Variants in SF3B2 observed in about 807,000 individuals in gnomAD.
The protein encoded by SF3B2 is splicing factor 3b subunit 2, also known as SAP 145.
Under a neutral mutation model 116.3 loss-of-function variants are expected in SF3B2, and 22 were observed. The ratio of observed to expected loss-of-function variants is 0.19; its 90% CI spans 0.14 to 0.27. SF3B2 has a LOEUF of 0.27. SF3B2 is among the 10% of genes least tolerant of loss of function. SF3B2 has a pLI of 1.00. For missense variants in SF3B2, 767 were observed against 1,151.4 expected (o/e 0.67, Z 4.83); for synonymous variants, 406 against 421.6 (o/e 0.96, Z 0.45).
In SF3B2 at chr11:66,059,997, C is replaced by G; in HGVS notation, c.1617C>G (p.Ala539=). 6.2e-7 allele frequency: 1 copy of G among 1,613,876 alleles called. No individual in the cohort carries two copies. Among genetic ancestry groups the G allele is most frequent in the Non-Finnish European group, 8.5e-7 (1 of 1,179,966 alleles). The change falls in exon 13 of 22, where the codon GCC becomes GCG. Residue 539 remains alanine, a synonymous_variant. Transcript: ENST00000322535. The surrounding 1 kb of genome is among the most constrained non-coding windows in gnomAD (Gnocchi z 5.0). ...KRTGIQEMRE[A]LQEKEEQKTM... ...CAGGCATCCAGGAGATGCGAGAGGC[C>G]CTGCAGGAGAAGGTGAGGGCCTGGC...
intron 19 of SF3B2, chr11:66,067,019 A>C (rs1857199387): frequency 1.1e-5 from 2 of 189,362 alleles, no homozygotes; most frequent in African/African-American, 4.8e-5. Flanking sequence ...AGGGCTCATC[A>C]CATTTGTTTC....
chr11:66,063,548 G>A lies in SF3B2; in HGVS notation c.2228+6G>A, dbSNP rs1857131820. The A allele has an allele frequency of 6.2e-7, 1 of 1,612,762 alleles. No homozygotes were observed. Among genetic ancestry groups the A allele is most frequent in the Non-Finnish European group, 8.5e-7 (1 of 1,179,362 alleles). On this transcript the variant is annotated splice_donor_region_variant and intron_variant, in intron 18 of 21. Coordinates refer to ENST00000322535, the MANE Select transcript of SF3B2 (RefSeq NM_006842.3). ...TTTATTACCCCTGCAGACAGGTGGG[G>A]GAAGCAGAGAATGCCTCTTGGAAGT... is the stretch of plus-strand genomic sequence containing the variant.
rs752046586 is a variant in SF3B2, at chr11:66,068,262, C to T, written c.2545C>T (p.Arg849Trp). Reference sequence around the variant, plus strand: ...GACCCAGAAGTATGAGGAGCATGTGCGGGAGCAGCAGGCTCAAGTAGAGAA... The same window carrying T: ...GACCCAGAAGTATGAGGAGCATGTGTGGGAGCAGCAGGCTCAAGTAGAGAA... ...AMTQKYEEHV[R>W]EQQAQVEKED... The change falls in exon 21 of 22, where the codon CGG (arginine) becomes TGG (tryptophan). Residue 849 changes from arginine to tryptophan, a missense_variant. Arg to Trp is a moderately radical substitution (Grantham distance 101, BLOSUM62 -3). Around this residue, in one of 4 missense-constraint regions of SF3B2, gnomAD observed 282 missense variants for 568.0 expected, o/e 0.50. Coordinates refer to ENST00000322535, the MANE Select transcript of SF3B2 (RefSeq NM_006842.3). 2 of 1,613,914 alleles carry T rather than the reference C, an allele frequency of 1.2e-6. No individual in the cohort carries two copies. Among genetic ancestry groups the T allele is most frequent in the Non-Finnish European group, 1.7e-6 (2 of 1,179,996 alleles).
At chr11:66,060,534 G>C (rs374343553) in intron 13 of SF3B2, 48 bp from the exon 14 acceptor site, 7 of 1,607,090 alleles carry the variant, frequency 4.4e-6, no homozygotes, top group Middle Eastern at 1.7e-4. Context: ...TTCTCTACAT[G>C]AATTTGGTGA....
rs767629123 is a variant in SF3B2, at chr11:66,053,037, T to G, written c.191T>G (p.Val64Gly). 1.9e-6 allele frequency: 3 copies of G among 1,614,056 alleles called. No individual in the cohort carries two copies. The highest frequency in any genetic ancestry group is 2.5e-6 in the Non-Finnish European group (3 of 1,180,036). Residue 64 changes from valine (V) to glycine (G), a missense_variant, in exon 3 of 22, where the codon GTG becomes GGG. This residue lies in a region of SF3B2 where 455 missense variants were observed against 537.5 expected (regional missense o/e 0.85). Transcript: ENST00000322535. ...CTTTCTCTTTTGCAGACTGGCATCG[T>G]GCTGAATCGGCCGGTTTTGAGAGGG... The part of the protein sequence containing the change: ...LQSYTRQTGI[V>G]LNRPVLRGED...
chr11:66,057,349 C>T lies in SF3B2; in HGVS notation c.751C>T (p.Pro251Ser). The change falls in exon 7 of 22, where the codon CCG becomes TCG. Residue 251 changes from proline (P) to serine (S), a missense_variant. By Grantham distance (74) the Pro-to-Ser change is moderately conservative. Transcript: ENST00000322535. Reference sequence around the variant, plus strand: ...TGTTCCCCGGCCTCGTGGTCCCCCACCGCCCCCTGGAGATGAGAACAGAGA... The same window carrying T: ...TGTTCCCCGGCCTCGTGGTCCCCCATCGCCCCCTGGAGATGAGAACAGAGA... ...APVPRPRGPP[P>S]PPGDENREMD... is the part of the protein sequence containing the mutation. 1.3e-6 allele frequency: 2 copies of T among 1,527,032 alleles called. No homozygotes were observed. Among genetic ancestry groups the T allele is most frequent in the Non-Finnish European group, 1.8e-6 (2 of 1,100,306 alleles). The allele number at this position is 1,527,032 out of a possible 1,614,324, so 94.6% of individuals were successfully genotyped here.
In SF3B2 at chr11:66,068,807, C is replaced by T; in HGVS notation, c.*62C>T. On this transcript the variant is annotated 3_prime_UTR_variant, in exon 22 of 22. Transcript: ENST00000322535. Reference sequence around the variant, plus strand: ...TGGATGCCTGGGCTTCACACAAGAACCACCTCTCCCGCAGTTCCCAAGGAC... The same window carrying T: ...TGGATGCCTGGGCTTCACACAAGAATCACCTCTCCCGCAGTTCCCAAGGAC... The T allele has an allele frequency of 7.8e-7, 1 of 1,282,734 alleles. No homozygotes were observed. The highest frequency in any genetic ancestry group is 1.1e-6 in the Non-Finnish European group (1 of 885,136). 79.5% of individuals were successfully genotyped at this position (1,282,734 alleles called of 1,614,324 possible).
intron 7 of SF3B2, 64 bp downstream of exon 7, chr11:66,057,439 AT>A: frequency 2.4e-6 from 2 of 817,120 alleles, no homozygotes; most frequent in Non-Finnish European, 4.2e-6. Flanking sequence ...CTATTTTTGG[AT>A]TTTTAGAGAA....
chr11:66,063,202 G>GGGAGT (rs1565091260), intron 17 of SF3B2, 86 bp downstream of exon 17: 1 of 1,143,786 alleles, frequency 8.7e-7, no homozygotes, highest in Non-Finnish European at 1.3e-6. Flanking sequence ...TCAGGGAGTT[G>GGGAGT]TGTGTTCTGA....
At position 66,061,715 on chromosome 11, in the gene SF3B2, G is replaced by A; in HGVS notation, c.1809G>A (p.Glu603=). 6.2e-7 allele frequency: 1 copy of A among 1,614,234 alleles called. No individual in the cohort carries two copies. Among genetic ancestry groups the A allele is most frequent in the Non-Finnish European group, 8.5e-7 (1 of 1,180,032 alleles). ...AGGAGTTCGAGACACGACTGAAGGA[G>A]AAGAAGCCAGGAGATCTGTCTGATG... ...EGKEFETRLK[E]KKPGDLSDEL... Residue 603 remains glutamate (E), a synonymous_variant, in exon 15 of 22, where the codon GAG becomes GAA. Transcript: ENST00000322535.
rs201747882 is a variant in SF3B2, at chr11:66,055,070, C to T, written c.259-6C>T. 1.5e-5 allele frequency: 22 copies of T among 1,506,410 alleles called. No homozygotes were observed. Among genetic ancestry groups the T allele is most frequent in the East Asian group, 4.6e-5 (2 of 43,018 alleles). 93.3% of individuals were successfully genotyped at this position (1,506,410 alleles called of 1,614,324 possible). A position where few individuals can be genotyped will look rare whatever the true frequency, so the allele number is the denominator to read the frequency against. ...TCCTAGTTTTATGATCATATTTTCT[C>T]CACAGCTCCCTGGAATTCCCATGCC... On this transcript the variant is annotated splice_region_variant and splice_polypyrimidine_tract_variant and intron_variant, in intron 3 of 21. Coordinates refer to ENST00000322535, the MANE Select transcript of SF3B2 (RefSeq NM_006842.3).
chr11:66,059,552 A>T lies in SF3B2; in HGVS notation c.1358A>T (p.Lys453Met). ...KPEAPKLSKK[K>M]LRRMNRFTVA... The stretch of plus-strand genomic sequence containing the variant: ...GAAGCCCCCAAGCTGTCCAAGAAGA[A>T]GTTGCGCCGAATGAACCGCTTCACT... The change falls in exon 12 of 22, where the codon AAG becomes ATG. Residue 453 changes from lysine (K) to methionine (M), a missense_variant. This residue lies in a region of SF3B2 where 282 missense variants were observed against 568.0 expected (regional missense o/e 0.50). Transcript: ENST00000322535. The surrounding 1 kb of genome is among the most constrained non-coding windows in gnomAD (Gnocchi z 5.0). 7 of 1,614,004 alleles carry T rather than the reference A, an allele frequency of 4.3e-6. No homozygotes were observed. Among genetic ancestry groups the T allele is most frequent in the Non-Finnish European group, 5.9e-6 (7 of 1,179,994 alleles).
intron 14 of SF3B2, among the ~76,000 whole-genome samples, chr11:66,061,311 CT>C (rs1857097053): frequency 6.6e-6 from 1 of 152,130 alleles, no homozygotes; most frequent in Non-Finnish European, 1.5e-5. Context: ...GGGGCAGATG[CT>C]TTTAGGAAAC....
chr11:66,068,759 A>G lies in SF3B2; in HGVS notation c.*14A>G, dbSNP rs1857238182. On this transcript the variant is annotated 3_prime_UTR_variant, in exon 22 of 22. Coordinates refer to ENST00000322535, the MANE Select transcript of SF3B2 (RefSeq NM_006842.3). ...TTCAAGTTTTAGGTCCCCTCACACT[A>G]GCCCTTTTTTTGGCCCTACGTCTGG... The G allele has an allele frequency of 6.2e-7, 1 of 1,612,076 alleles. No homozygotes were observed. The highest frequency in any genetic ancestry group is 1.7e-5 in the Admixed American group (1 of 59,810).
chr11:66,068,018 A>G lies in SF3B2; in HGVS notation c.2403A>G (p.Gly801=), dbSNP rs199782165. ...RTATVGGAMM[G]STHIYDMSTV... is the part of the protein sequence containing the mutation. The stretch of plus-strand genomic sequence containing the variant: ...CCACTGTTGGAGGGGCCATGATGGG[A>G]TCAACCCACATTTATGACATGTCCA... The change falls in exon 20 of 22, where the codon GGA becomes GGG. Residue 801 remains glycine, a synonymous_variant. Coordinates refer to ENST00000322535, the MANE Select transcript of SF3B2 (RefSeq NM_006842.3). 3 of 1,614,142 alleles carry G rather than the reference A, an allele frequency of 1.9e-6. No homozygotes were observed. The East Asian group carries it at 6.7e-5, about 36-fold the overall frequency.
chr11:66,068,535 TGA>T, intron 21 of SF3B2, 137 bp from the exon 22 acceptor site: 1 of 865,464 alleles, frequency 1.2e-6, no homozygotes, highest in Non-Finnish European at 1.8e-6. Flanking sequence ...CAGCCAAGTC[TGA>T]GAGGGAGCTC....
intron 6 of SF3B2, 152 bp downstream of exon 6, chr11:66,057,107 C>CACCT: frequency 3.5e-6 from 3 of 847,708 alleles, no homozygotes; most frequent in Non-Finnish European, 6.1e-6. Context: ...GTACAACCAG[C>CACCT]ACCTGGACCA....
Position 66,055,149 on chromosome 11 carries a change from C to T in SF3B2, c.332C>T (p.Pro111Leu), listed in dbSNP as rs35383513. ...CAGCCTCCTCCGCCACCCCCACCAC[C>T]TCCACCAGGCCTTGGCCTTGGCTTT... ...PLQPPPPPPP[P>L]PPGLGLGFPM... Residue 111 changes from proline to leucine, a missense_variant, in exon 4 of 22, where the codon CCT becomes CTT. By Grantham distance (98) the Pro-to-Leu change is moderately conservative. Coordinates refer to ENST00000322535, the MANE Select transcript of SF3B2 (RefSeq NM_006842.3). The T allele has an allele frequency of 2.5e-6, 4 of 1,593,458 alleles. No individual in the cohort carries two copies. In the East Asian group the frequency reaches 6.8e-5, roughly 27 times the overall value.
At chr11:66,057,413 G>A in intron 7 of SF3B2, 38 bp downstream of exon 7, 1 of 988,810 alleles carries the variant, frequency 1.0e-6, no homozygotes. Flanking sequence ...TAAGAGAGTG[G>A]TAGTTTAGGA....
Sources: gnomAD v4.1 joint callset for allele counts (sites outside exome capture counted in the v4.1 genomes callset) on GRCh38, gnomAD v4.1.1 for gene constraint, gnomAD v4.1.1 regional missense constraint, Gnocchi (gnomAD v3.1) non-coding constraint, MANE v1.5 for transcripts, NCBI Gene and HGNC (gene_info 2026-07-23, HGNC 2026-07-21) for gene names.